The following TC2N variants were observed in gnomAD, a reference collection of about 807,000 sequenced individuals.
The protein encoded by TC2N is tandem C2 domains nuclear protein.
In TC2N, 51 loss-of-function variants were observed where a neutral mutation model predicts 61.9. The observed-to-expected ratio is 0.82, with a 90% CI of 0.66 to 1.04. The LOEUF (loss-of-function observed/expected upper bound fraction) is 1.04, where lower values mean the gene tolerates loss of function less well. TC2N is among the 50% of genes least tolerant of loss of function. TC2N has a pLI of 0.00. For synonymous variants in TC2N, 204 were observed against 192.6 expected (o/e 1.06, Z -0.49); for missense variants, 556 against 566.7 (o/e 0.98, Z 0.19).
chr14:91,823,451 C>A (rs763829792), intron 1 of TC2N, among the ~76,000 whole-genome samples: 3 of 150,086 alleles, frequency 2.0e-5, no homozygotes, highest in Non-Finnish European at 4.4e-5. Context: ...ACCCGGGAGG[C>A]GGAGGTTGCA....
At position 91,782,201 on chromosome 14, in the gene TC2N, T is replaced by C. The variant is rs1885162361; in HGVS notation, c.*899A>G. On this transcript the variant is annotated 3_prime_UTR_variant, in exon 12 of 12. Transcript: ENST00000435962. ...TACACAGTATAATCAGGTATGGTTA[T>C]GAAAAAAATGAGAAAATACTCAAAC... 6.6e-6 allele frequency: 1 copy of C among 151,986 alleles called. No individual in the cohort carries two copies. Among genetic ancestry groups the C allele is most frequent in the Non-Finnish European group, 1.5e-5 (1 of 67,880 alleles). The allele number at this position is 151,986 out of a possible 1,614,324, so 9.4% of individuals were successfully genotyped here. A position where few individuals can be genotyped will look rare whatever the true frequency, so the allele number is the denominator to read the frequency against.
In TC2N at chr14:91,842,935, A is replaced by C. The variant is rs145001814; in HGVS notation, c.-57+24327T>G. Among the ~76,000 whole-genome samples the C allele has an allele frequency of 5.7e-3, 863 of 152,280 alleles. 1 individual carries two copies. The highest frequency in any genetic ancestry group is 9.4e-3 in the Non-Finnish European group (641 of 68,026). The stretch of plus-strand genomic sequence containing the variant: ...ACGACTTTGAAGTTCCTTCCACTGA[A>C]GGAGTGGAGTATATTTCCCTACCCG... On this transcript the variant is annotated intron_variant, in intron 1 of 11. Transcript: ENST00000435962.
At chr14:91,785,387 T>C in intron 10 of TC2N, 26 bp from the exon 11 acceptor site, 1 of 1,568,236 alleles carries the variant, frequency 6.4e-7, no homozygotes, top group East Asian at 2.2e-5. Flanking sequence ...TATTGGTTTA[T>C]AAAATGTTAT....
chr14:91,799,044 A>G lies in TC2N; in HGVS notation c.582T>C (p.Ser194=), dbSNP rs759707478. 2 of 1,584,300 alleles carry G rather than the reference A, an allele frequency of 1.3e-6. No individual in the cohort carries two copies. The highest frequency in any genetic ancestry group is 1.9e-5 in the Admixed American group (1 of 51,840). Residue 194 remains serine (S), a synonymous_variant, in exon 6 of 12, where the codon AGT becomes AGC. Transcript: ENST00000435962. ...TCCTTGAAGAAGAACTACTGGGTAC[A>G]CTGGACAATGAATCATGTCTCTATA... is the stretch of plus-strand genomic sequence containing the variant. ...RFIQRHDSLS[S]VPSSSSSRKN...
At chr14:91,796,777 T>G (rs1002979091) in intron 8 of TC2N, among the ~76,000 whole-genome samples, 1 of 152,080 alleles carries the variant, frequency 6.6e-6, no homozygotes, top group African/African-American at 2.4e-5. Context: ...AATTTTGGAC[T>G]TTCTCCAAAG....
intron 1 of TC2N, among the ~76,000 whole-genome samples, chr14:91,814,811 C>A (rs1451491058): frequency 6.6e-6 from 1 of 151,566 alleles, no homozygotes; most frequent in Non-Finnish European, 1.5e-5. Context: ...TAATGAAGAT[C>A]TGCAGTACTC....
chr14:91,857,381 G>A (rs769180121), intron 1 of TC2N, among the ~76,000 whole-genome samples: 1 of 152,180 alleles, frequency 6.6e-6, no homozygotes, highest in Non-Finnish European at 1.5e-5. Context: ...CCGAAGTGGG[G>A]CCACTTTAGT....
chr14:91,784,491 A>C (rs1211683654), intron 11 of TC2N, among the ~76,000 whole-genome samples: 1 of 152,174 alleles, frequency 6.6e-6, no homozygotes, highest in African/African-American at 2.4e-5. Flanking sequence ...TGTCAAGTTG[A>C]AGCTTTTAAA....
At chr14:91,796,143 A>C (rs1210800081) in intron 8 of TC2N, among the ~76,000 whole-genome samples, 1 of 152,076 alleles carries the variant, frequency 6.6e-6, no homozygotes, top group African/African-American at 2.4e-5. Context: ...TTTAATTCAG[A>C]AAGTATTCAT....
At chr14:91,857,468 T>A (rs1031372358) in intron 1 of TC2N, among the ~76,000 whole-genome samples, 1 of 152,148 alleles carries the variant, frequency 6.6e-6, no homozygotes. Context: ...ACATTTGACG[T>A]GAAGAAAGAT....
intron 8 of TC2N, among the ~76,000 whole-genome samples, chr14:91,795,199 G>A (rs1885839321): frequency 6.6e-6 from 1 of 152,116 alleles, no homozygotes; most frequent in Non-Finnish European, 1.5e-5. Flanking sequence ...AGTAGTTTCT[G>A]GAGATGGAAT....
At chr14:91,801,223 C>T (rs765104388) in intron 4 of TC2N, among the ~76,000 whole-genome samples, 33 of 151,834 alleles carry the variant, frequency 2.2e-4, no homozygotes, top group South Asian at 4.1e-4. Flanking sequence ...TCCCATCACA[C>T]CATGAGTTTC....
At chr14:91,832,698 C>G (rs1223961221) in intron 1 of TC2N, among the ~76,000 whole-genome samples, 1 of 151,630 alleles carries the variant, frequency 6.6e-6, no homozygotes, top group African/African-American at 2.4e-5. Flanking sequence ...TGTTTTCCAG[C>G]AAAACTGAAG....
intron 1 of TC2N, chr14:91,866,691 C>T (rs186110143): frequency 4.3e-4 from 66 of 152,454 alleles, no homozygotes; most frequent in Admixed American, 3.9e-3. Flanking sequence ...TGGGGCAAAG[C>T]TGACAAGGAA....
chr14:91,835,686 A>C (rs1054462417), intron 1 of TC2N, among the ~76,000 whole-genome samples: 7 of 152,270 alleles, frequency 4.6e-5, no homozygotes, highest in African/African-American at 1.7e-4. Context: ...CTAGCTGGGT[A>C]GATTGTGGTT....
At chr14:91,800,124 A>C (rs1886145914) in intron 5 of TC2N, among the ~76,000 whole-genome samples, 157 bp downstream of exon 5, 1 of 152,180 alleles carries the variant, frequency 6.6e-6, no homozygotes, top group South Asian at 2.1e-4. Context: ...TTCTAAAATA[A>C]TATACATGGG....
intron 3 of TC2N, among the ~76,000 whole-genome samples, chr14:91,809,491 A>C (rs1386663189): frequency 6.6e-6 from 1 of 152,210 alleles, no homozygotes. Context: ...ACTCTAGACC[A>C]AAACTAAAAC....
intron 1 of TC2N, among the ~76,000 whole-genome samples, chr14:91,862,556 C>T (rs72705333): frequency 0.02 from 3,117 of 152,280 alleles, 43 homozygotes; most frequent in Non-Finnish European, 0.031. Flanking sequence ...CAAGAGCAGC[C>T]TCGAGGCAAT....
Position 91,799,073 on chromosome 14 carries a change from A to T in TC2N, c.562-9T>A. The T allele has an allele frequency of 4.5e-6, 7 of 1,553,116 alleles. No individual in the cohort carries two copies. The highest frequency in any genetic ancestry group is 6.1e-6 in the Non-Finnish European group (7 of 1,149,180). ...GACAATGAATCATGTCTCTATAAAT[A>T]AAATTATTCTTTAGTCAGAAATTGC... On this transcript the variant is annotated splice_polypyrimidine_tract_variant and intron_variant, in intron 5 of 11. Transcript: ENST00000435962.
Sources: gnomAD v4.1 joint callset for allele counts (sites outside exome capture counted in the v4.1 genomes callset) on GRCh38, gnomAD v4.1.1 for gene constraint, MANE v1.5 for transcripts, NCBI Gene and HGNC (gene_info 2026-07-23, HGNC 2026-07-21) for gene names.